WDR70: variants seen among roughly 807,000 people sequenced by gnomAD.
WDR70 encodes the protein WD repeat-containing protein 70.
In WDR70, 53 loss-of-function variants were observed where a neutral mutation model predicts 88.6. The observed-to-expected ratio is 0.60, with a 90% CI of 0.48 to 0.75. The LOEUF is 0.75. Among genes scored for constraint, WDR70 ranks in the 30% least tolerant of loss-of-function variants. The pLI is 0.00. For synonymous variants in WDR70, 280 were observed against 270.0 expected, an observed-to-expected ratio of 1.04 and a Z score of -0.36; for missense variants, 610 against 823.2, an observed-to-expected ratio of 0.74 and a Z score of 3.17.
rs781604696 is a variant in WDR70, at chr5:37,606,124, T to A, written c.1092+886T>A. Among the ~76,000 whole-genome samples the A allele has an allele frequency of 4.3e-4, 65 of 152,164 alleles. 1 individual carries two copies. Among genetic ancestry groups the A allele is most frequent in the Non-Finnish European group, 1.5e-4 (10 of 67,996 alleles). Reference sequence around the variant, plus strand: ...TAAATATATATGCATATATTCCACCTTTGTCTATCAAATATTTACATTTTG... The same window carrying A: ...TAAATATATATGCATATATTCCACCATTGTCTATCAAATATTTACATTTTG... On this transcript the variant is annotated intron_variant, in intron 10 of 17. Transcript: ENST00000265107.
rs1029938252 is a variant in WDR70 at position 37,730,364 on chromosome 5, C to T, written c.1877+3319C>T. On this transcript the variant is annotated intron_variant, in intron 17 of 17. Transcript: ENST00000265107. ...TTTAGGATTTTAGCTTCTTTTCATC[C>T]CCCATCTTTATTGAGGTATGATTGA... 7.7e-4 allele frequency among the ~76,000 whole-genome samples: 117 copies of T among 152,062 alleles called. 1 individual carries two copies. Among genetic ancestry groups the T allele is most frequent in the African/African-American group, 2.6e-3 (110 of 41,514 alleles).
intron 5 of WDR70, among the ~76,000 whole-genome samples, chr5:37,416,605 A>G (rs1481512348): frequency 3.5e-5 from 5 of 143,238 alleles, no homozygotes; most frequent in African/African-American, 1.3e-4. Context: ...TTTTTGAGAT[A>G]GTTTCCCTGT....
chr5:37,663,017 C>A (rs1372339355), intron 10 of WDR70, among the ~76,000 whole-genome samples: 1 of 152,102 alleles, frequency 6.6e-6, no homozygotes, highest in Non-Finnish European at 1.5e-5. Flanking sequence ...GCCAGGGACC[C>A]AGAAAGCAAC....
At chr5:37,383,786 T>C (rs75219438) in intron 3 of WDR70, among the ~76,000 whole-genome samples, 25,264 of 151,694 alleles carry the variant, frequency 0.17, 2,152 homozygotes, top group South Asian at 0.2. Flanking sequence ...GGTTTCACCG[T>C]GTTAGGCAGG....
At chr5:37,751,198 G>A (rs909933253) in intron 17 of WDR70, among the ~76,000 whole-genome samples, 1 of 152,206 alleles carries the variant, frequency 6.6e-6, no homozygotes, top group Non-Finnish European at 1.5e-5. Context: ...TATGTAATAA[G>A]CACCAATTGC....
intron 17 of WDR70, among the ~76,000 whole-genome samples, chr5:37,731,856 C>T (rs1395018260): frequency 6.6e-6 from 1 of 152,084 alleles, no homozygotes; most frequent in African/African-American, 2.4e-5. Flanking sequence ...GTGTCAGAGA[C>T]CTAACTTATC....
chr5:37,478,091 A>T (rs2112151927), intron 7 of WDR70, among the ~76,000 whole-genome samples: 1 of 152,330 alleles, frequency 6.6e-6, no homozygotes, highest in East Asian at 1.9e-4. Context: ...ATCAAGACCA[A>T]TAACCCAGTC....
intron 7 of WDR70, among the ~76,000 whole-genome samples, chr5:37,463,822 C>T (rs1436083198): frequency 6.6e-6 from 1 of 152,180 alleles, no homozygotes. Context: ...CCTTTTAACT[C>T]TGTGGCTAGC....
intron 7 of WDR70, among the ~76,000 whole-genome samples, chr5:37,456,263 A>G (rs1277704976): frequency 2.6e-5 from 4 of 152,168 alleles, no homozygotes; most frequent in African/African-American, 9.6e-5. Context: ...TACACTTGGT[A>G]TTGTCAATAT....
At chr5:37,612,337 G>A (rs1744213118) in intron 10 of WDR70, among the ~76,000 whole-genome samples, 1 of 152,060 alleles carries the variant, frequency 6.6e-6, no homozygotes, top group Non-Finnish European at 1.5e-5. Flanking sequence ...CCTACAGCAT[G>A]TTTTATAGAT....
At chr5:37,730,954 T>C (rs1748127146) in intron 17 of WDR70, among the ~76,000 whole-genome samples, 1 of 152,044 alleles carries the variant, frequency 6.6e-6, no homozygotes, top group Admixed American at 6.6e-5. Flanking sequence ...ATTATTAGGG[T>C]ATGTTCCCAG....
At chr5:37,410,268 G>A (rs1749486410) in intron 5 of WDR70, among the ~76,000 whole-genome samples, 1 of 149,552 alleles carries the variant, frequency 6.7e-6, no homozygotes, top group Admixed American at 6.7e-5. Context: ...CGAACTCCTG[G>A]GCTCAAGAAA....
intron 9 of WDR70, among the ~76,000 whole-genome samples, chr5:37,558,554 C>T (rs116277905): frequency 2.0e-5 from 3 of 151,736 alleles, no homozygotes; most frequent in East Asian, 1.9e-4. Flanking sequence ...TTGAACTCCT[C>T]GGCTCAAACA....
intron 13 of WDR70, among the ~76,000 whole-genome samples, chr5:37,711,554 T>C (rs535825507): frequency 6.6e-6 from 1 of 152,328 alleles, no homozygotes; most frequent in African/African-American, 2.4e-5. Context: ...CCTTGAAGAT[T>C]ATAAAGTTAC....
chr5:37,442,795 T>C (rs1192128405), intron 6 of WDR70, among the ~76,000 whole-genome samples: 1 of 152,216 alleles, frequency 6.6e-6, no homozygotes, highest in African/African-American at 2.4e-5. Context: ...AAAGCTCCCT[T>C]GGTGTTACTC....
intron 10 of WDR70, among the ~76,000 whole-genome samples, chr5:37,621,716 A>C (rs1425235374): frequency 6.6e-6 from 1 of 152,124 alleles, no homozygotes; most frequent in Non-Finnish European, 1.5e-5. Context: ...TGCTGTGCAG[A>C]AGCTCTTTAG....
chr5:37,639,575 T>A (rs1392044708), intron 10 of WDR70, among the ~76,000 whole-genome samples: 1 of 152,172 alleles, frequency 6.6e-6, no homozygotes, highest in African/African-American at 2.4e-5. Flanking sequence ...GGTCTAAGTT[T>A]GTTGTACAAT....
At chr5:37,591,378 T>C (rs1274970291) in intron 9 of WDR70, among the ~76,000 whole-genome samples, 1 of 152,236 alleles carries the variant, frequency 6.6e-6, no homozygotes, top group Non-Finnish European at 1.5e-5. Flanking sequence ...GACATCACTG[T>C]AGAACTTAAT....
chr5:37,677,427 A>G (rs1352893395), intron 10 of WDR70, among the ~76,000 whole-genome samples: 4 of 152,130 alleles, frequency 2.6e-5, no homozygotes, highest in African/African-American at 7.2e-5. Flanking sequence ...AGATTCCGGT[A>G]TGTTGTCTCT....
Sources: gnomAD v4.1 joint callset for allele counts (sites outside exome capture counted in the v4.1 genomes callset) on GRCh38, gnomAD v4.1.1 for gene constraint, MANE v1.5 for transcripts, NCBI Gene and HGNC (gene_info 2026-07-23, HGNC 2026-07-21) for gene names.